The following RUNX1 variants were observed in gnomAD, a reference collection of about 807,000 sequenced individuals.
RUNX1 encodes the protein runt-related transcription factor 1.
RUNX1 carries 19 observed loss-of-function variants against 42.8 expected under a neutral mutation model. The ratio of observed to expected loss-of-function variants is 0.44; its 90% CI spans 0.31 to 0.65. The LOEUF (loss-of-function observed/expected upper bound fraction) is 0.65. Ranked by LOEUF, RUNX1 falls within the 30% of genes least tolerant of loss-of-function variation. The pLI is 0.07. For synonymous variants in RUNX1, 271 were observed against 289.4 expected (o/e 0.94, Z 0.64); for missense variants, 528 against 672.0 (o/e 0.79, Z 2.37).
chr21:34,858,081 T>G (rs1386274325), intron 6 of RUNX1, among the ~76,000 whole-genome samples: 1 of 152,192 alleles, frequency 6.6e-6, no homozygotes, highest in Non-Finnish European at 1.5e-5. Context: ...GAACACCATA[T>G]CCTGGTGGCC....
chr21:34,989,010 CTCTCTT>C (rs1355825725), intron 2 of RUNX1, among the ~76,000 whole-genome samples: 1 of 145,574 alleles, frequency 6.9e-6, no homozygotes, highest in South Asian at 2.1e-4. Context: ...CTCTCTCTCT[CTCTCTT>C]TTTTTTTTTT....
intron 7 of RUNX1, among the ~76,000 whole-genome samples, chr21:34,814,217 T>G (rs558280341): frequency 3.3e-5 from 5 of 152,220 alleles, no homozygotes; most frequent in Non-Finnish European, 4.4e-5. Flanking sequence ...ACCCCAAATC[T>G]CAAATAAAAG....
At chr21:34,870,037 C>T (rs1027508026) in intron 5 of RUNX1, among the ~76,000 whole-genome samples, 3 of 152,280 alleles carry the variant, frequency 2.0e-5, no homozygotes, top group Non-Finnish European at 4.4e-5. Context: ...TATTTAATTT[C>T]GTTTCTCCTA....
intron 2 of RUNX1, among the ~76,000 whole-genome samples, chr21:34,971,798 C>G (rs1243968116): frequency 1.3e-5 from 2 of 152,146 alleles, no homozygotes; most frequent in African/African-American, 4.8e-5. Flanking sequence ...TTGCAACAAT[C>G]AAACCTCAAG....
At chr21:34,947,369 T>C (rs1291978465) in intron 2 of RUNX1, among the ~76,000 whole-genome samples, 1 of 152,228 alleles carries the variant, frequency 6.6e-6, no homozygotes, top group Non-Finnish European at 1.5e-5. Context: ...CTCAAATTGA[T>C]GACTTTTTAC....
At chr21:34,844,476 T>G (rs1471408004) in intron 6 of RUNX1, among the ~76,000 whole-genome samples, 1 of 152,120 alleles carries the variant, frequency 6.6e-6, no homozygotes. Context: ...CAGCAGCAGA[T>G]CTCATACATA....
At chr21:34,799,623 C>A (rs2145910984) in intron 7 of RUNX1, among the ~76,000 whole-genome samples, 161 bp from the exon 8 acceptor site, 1 of 152,168 alleles carries the variant, frequency 6.6e-6, no homozygotes, top group East Asian at 1.9e-4. Context: ...GTATCTGCCT[C>A]TGTTGGATTA....
chr21:34,807,882 G>A (rs2056701859), intron 7 of RUNX1, among the ~76,000 whole-genome samples: 1 of 152,226 alleles, frequency 6.6e-6, no homozygotes, highest in African/African-American at 2.4e-5. Flanking sequence ...GCCTTTCAGA[G>A]TCCCTGGGGG....
At chr21:34,852,667 G>A (rs1287426935) in intron 6 of RUNX1, among the ~76,000 whole-genome samples, 3 of 152,152 alleles carry the variant, frequency 2.0e-5, no homozygotes, top group African/African-American at 7.2e-5. Flanking sequence ...TGTGAGTCAC[G>A]ACAGCATTTT....
intron 2 of RUNX1, among the ~76,000 whole-genome samples, chr21:34,920,950 C>T (rs1382362433): frequency 6.6e-6 from 1 of 152,176 alleles, no homozygotes; most frequent in Non-Finnish European, 1.5e-5. Flanking sequence ...CTTGTGCCTT[C>T]CGGGTTCAAG....
At chr21:35,047,549 ACACACACACACACTCTCTCT>A (rs1353012198) in intron 2 of RUNX1, among the ~76,000 whole-genome samples, 349 of 107,686 alleles carry the variant, frequency 3.2e-3, no homozygotes, top group African/African-American at 0.012. Context: ...ACACACACAC[ACACACACACACACTCTCTCT>A]CTCTCTCTCT....
intron 7 of RUNX1, among the ~76,000 whole-genome samples, chr21:34,810,295 G>A (rs950871940): frequency 2.0e-5 from 3 of 152,232 alleles, no homozygotes; most frequent in Non-Finnish European, 4.4e-5. Context: ...TATGACATGG[G>A]CCCTAAGGCA....
At chr21:34,952,758 G>A (rs1233189187) in intron 2 of RUNX1, among the ~76,000 whole-genome samples, 1 of 152,148 alleles carries the variant, frequency 6.6e-6, no homozygotes, top group Non-Finnish European at 1.5e-5. Flanking sequence ...TCACTTTCAG[G>A]TCATAATTAC....
Position 35,048,834 on chromosome 21 carries a change from G to A in RUNX1, c.58+8C>T, listed in dbSNP as rs1321050445. The A allele has an allele frequency of 6.2e-7, 1 of 1,610,600 alleles. No individual in the cohort carries two copies. The highest frequency in any genetic ancestry group is 2.2e-5 in the East Asian group (1 of 44,862). On this transcript the variant is annotated splice_region_variant and intron_variant, in intron 2 of 8. Transcript: ENST00000675419. ...AAAGTAGATATTACAAGACCAGCAT[G>A]TACTCACCTCTCATGAAGCACTGTG...
At chr21:34,911,645 T>C (rs922506133) in intron 2 of RUNX1, among the ~76,000 whole-genome samples, 3 of 152,130 alleles carry the variant, frequency 2.0e-5, no homozygotes, top group African/African-American at 7.2e-5. Context: ...ACACATTAGA[T>C]TGTGTCTCTC....
chr21:34,998,731 T>C (rs375669842), intron 2 of RUNX1, among the ~76,000 whole-genome samples: 1,713 of 152,136 alleles, frequency 0.011, 18 homozygotes, highest in Non-Finnish European at 0.016. Flanking sequence ...TTAGTAGAGA[T>C]GGGGTTTCAC....
At chr21:35,009,180 A>C (rs1444461135) in intron 2 of RUNX1, among the ~76,000 whole-genome samples, 1 of 152,222 alleles carries the variant, frequency 6.6e-6, no homozygotes, top group Non-Finnish European at 1.5e-5. Context: ...CCTATTCTTA[A>C]AATCTCACAA....
At chr21:34,977,012 G>A (rs1232746744) in intron 2 of RUNX1, among the ~76,000 whole-genome samples, 1 of 152,178 alleles carries the variant, frequency 6.6e-6, no homozygotes, top group Non-Finnish European at 1.5e-5. Flanking sequence ...AGTAATAGCT[G>A]TGAAAATATT....
intron 3 of RUNX1, among the ~76,000 whole-genome samples, chr21:34,891,529 G>A (rs1249010418): frequency 6.6e-6 from 1 of 152,076 alleles, no homozygotes; most frequent in African/African-American, 2.4e-5. Context: ...GCACTTTCAA[G>A]GACAGCCACA....
Sources: gnomAD v4.1 joint callset for allele counts (sites outside exome capture counted in the v4.1 genomes callset) on GRCh38, gnomAD v4.1.1 for gene constraint, MANE v1.5 for transcripts, NCBI Gene and HGNC (gene_info 2026-07-23, HGNC 2026-07-21) for gene names.